Variants in SUCLA2 observed in about 807,000 individuals in gnomAD.
SUCLA2 encodes succinate--CoA ligase [ADP-forming] subunit beta, mitochondrial.
A neutral mutation model predicts 54.8 loss-of-function variants in SUCLA2; 30 were observed. That is an observed-to-expected ratio of 0.55 (90% CI 0.41 to 0.74). SUCLA2 has a LOEUF of 0.74. Ranked by LOEUF, SUCLA2 falls within the 30% of genes least tolerant of loss-of-function variation. The pLI is 0.00. For missense variants in SUCLA2, 476 were observed against 562.9 expected (o/e 0.85, Z 1.56); for synonymous variants, 172 against 188.9 (o/e 0.91, Z 0.74).
intron 3 of SUCLA2, 25 bp from the exon 4 acceptor site, chr13:47,988,728 T>C (rs944410041): frequency 6.2e-7 from 1 of 1,612,794 alleles, no homozygotes; most frequent in Non-Finnish European, 8.5e-7. Context: ...AGAACTCAAA[T>C]TTTTCTTTCC....
chr13:47,985,507 A>G (rs1164126816), intron 4 of SUCLA2, among the ~76,000 whole-genome samples: 3 of 151,562 alleles, frequency 2.0e-5, no homozygotes, highest in African/African-American at 4.9e-5. Flanking sequence ...CTGCTCCTGC[A>G]TTAGTTTGCT....
At position 47,952,660 on chromosome 13, in the gene SUCLA2, A is replaced by T. The variant is rs149680177; in HGVS notation, c.1107+1480T>A. On this transcript the variant is annotated intron_variant, in intron 8 of 10. Coordinates refer to ENST00000646932, the MANE Select transcript of SUCLA2 (RefSeq NM_003850.3). ...AAATGCCTCTAATTTATTCTTACTG[A>T]TATTGCCTTTGTCAGGGATCTCTTC... Among the ~76,000 whole-genome samples, 880 of 152,144 alleles carry T rather than the reference A, an allele frequency of 5.8e-3. 12 individuals are homozygous for T. The highest frequency in any genetic ancestry group is 0.02 in the African/African-American group (811 of 41,490).
Position 47,988,875 on chromosome 13 carries a change from G to A in SUCLA2, c.371+7C>T. The A allele has an allele frequency of 6.2e-7, 1 of 1,611,316 alleles. No individual in the cohort carries two copies. The highest frequency in any genetic ancestry group is 1.3e-5 in the African/African-American group (1 of 74,962). On this transcript the variant is annotated splice_region_variant and intron_variant, in intron 3 of 10. Coordinates refer to ENST00000646932, the MANE Select transcript of SUCLA2 (RefSeq NM_003850.3). ...AGGATGATTTTTCCTTAAAAAATGT[G>A]ACTTACGAGAAAACTATCTTCACTC...
intron 6 of SUCLA2, among the ~76,000 whole-genome samples, chr13:47,956,203 C>G (rs764209179): frequency 6.6e-6 from 1 of 152,132 alleles, no homozygotes; most frequent in Non-Finnish European, 1.5e-5. Flanking sequence ...TAAATGAACA[C>G]ACAGGTAATC....
At chr13:47,999,440 G>A (rs1950212367) in intron 1 of SUCLA2, among the ~76,000 whole-genome samples, 1 of 152,186 alleles carries the variant, frequency 6.6e-6, no homozygotes, top group Non-Finnish European at 1.5e-5. Context: ...GGGTGCGGTG[G>A]CTCAAGCTTG....
Position 47,968,417 on chromosome 13 carries a change from T to C in SUCLA2, c.802+178A>G, listed in dbSNP as rs537299925. Among the ~76,000 whole-genome samples the C allele has an allele frequency of 3.3e-5, 5 of 152,350 alleles. No homozygotes were observed. In the South Asian group the frequency reaches 8.3e-4, roughly 25 times the overall value. ...TTGTTTGTTTGTTTAATGGGTCTAA[T>C]AGTGTTTTGTTTTAATGGGTTTAAT... On this transcript the variant is annotated intron_variant, in intron 6 of 10. Transcript: ENST00000646932.
chr13:47,973,293 C>G lies in SUCLA2; in HGVS notation c.634G>C (p.Glu212Gln). 6.2e-7 allele frequency: 1 copy of G among 1,613,450 alleles called. No individual in the cohort carries two copies. Among genetic ancestry groups the G allele is most frequent in the African/African-American group, 1.3e-5 (1 of 75,008 alleles). The stretch of plus-strand genomic sequence containing the variant: ...AGAGCTTGTTCCTTTTTGATGCCTT[C>G]TTCAATATCAATAGGTTCTTTAATT... ...AIIKEPIDIE[E>Q]GIKKEQALQL... Residue 212 changes from glutamate to glutamine, a missense_variant, in exon 5 of 11, where the codon GAA becomes CAA. Glu to Gln is a conservative substitution (Grantham distance 29). This residue lies in a region of SUCLA2 where 342 missense variants were observed against 444.2 expected (regional missense o/e 0.77). Coordinates refer to ENST00000646932, the MANE Select transcript of SUCLA2 (RefSeq NM_003850.3).
At chr13:47,998,826 A>C (rs1366207673) in intron 1 of SUCLA2, among the ~76,000 whole-genome samples, 3 of 152,230 alleles carry the variant, frequency 2.0e-5, no homozygotes, top group African/African-American at 7.2e-5. Context: ...ATGGTTACAC[A>C]GGTGAATACA....
chr13:47,972,109 G>C, intron 5 of SUCLA2: 2 of 355,544 alleles, frequency 5.6e-6, no homozygotes, highest in Non-Finnish European at 1.0e-5. Context: ...ACAAAAATTA[G>C]CCGGGCATGG....
chr13:47,989,643 T>C (rs1252124833), intron 2 of SUCLA2, among the ~76,000 whole-genome samples: 1 of 152,228 alleles, frequency 6.6e-6, no homozygotes, highest in Non-Finnish European at 1.5e-5. Flanking sequence ...CAAAATTGAA[T>C]TTCATGTCTT....
At chr13:47,958,963 T>G (rs544834197) in intron 6 of SUCLA2, among the ~76,000 whole-genome samples, 2 of 152,332 alleles carry the variant, frequency 1.3e-5, no homozygotes, top group African/African-American at 4.8e-5. Flanking sequence ...TTATTTTTGA[T>G]GCTCATTGGA....
At chr13:47,992,366 A>C (rs1247631550) in intron 2 of SUCLA2, among the ~76,000 whole-genome samples, 1 of 150,796 alleles carries the variant, frequency 6.6e-6, no homozygotes, top group South Asian at 2.1e-4. Flanking sequence ...TTCTAAAAAA[A>C]AAAAGCCCTT....
At chr13:47,945,379 C>T (rs1034253483) in intron 10 of SUCLA2, among the ~76,000 whole-genome samples, 1 of 136,064 alleles carries the variant, frequency 7.3e-6, no homozygotes, top group Non-Finnish European at 1.5e-5. Flanking sequence ...GCTGAGATCA[C>T]GCCACTGTAC....
At chr13:47,963,859 G>A (rs568088805) in intron 6 of SUCLA2, among the ~76,000 whole-genome samples, 3 of 152,116 alleles carry the variant, frequency 2.0e-5, no homozygotes, top group Non-Finnish European at 2.9e-5. Context: ...AAGAAGCCAG[G>A]GTCCTTTGGA....
intron 10 of SUCLA2, among the ~76,000 whole-genome samples, chr13:47,946,258 A>G (rs1949730573): frequency 6.6e-6 from 1 of 152,238 alleles, no homozygotes; most frequent in Non-Finnish European, 1.5e-5. Context: ...TATGTACAGG[A>G]AGAAGCACAG....
rs1036012262 is a variant in SUCLA2 at position 47,959,531 on chromosome 13, G to A, written c.803-4974C>T. The stretch of plus-strand genomic sequence containing the variant: ...AGGAGGAGGAGGAGGAGGAGGAGGA[G>A]GAAAATCTGGGACTGATCGGAAAGC... On this transcript the variant is annotated intron_variant, in intron 6 of 10. Transcript: ENST00000646932. 3.0e-5 allele frequency among the ~76,000 whole-genome samples: 4 copies of A among 132,138 alleles called. No individual in the cohort carries two copies. The South Asian group carries it at 7.7e-4, about 25-fold the overall frequency. 86.7% of individuals were successfully genotyped at this position (132,138 alleles called of 152,430 possible). A position where few individuals can be genotyped will look rare whatever the true frequency, so the allele number is the denominator to read the frequency against.
At chr13:47,986,727 G>T (rs1331966680) in intron 4 of SUCLA2, among the ~76,000 whole-genome samples, 1 of 152,114 alleles carries the variant, frequency 6.6e-6, no homozygotes, top group Non-Finnish European at 1.5e-5. Context: ...TTTTGTATAT[G>T]GTGTAGGGAA....
chr13:47,954,548 A>C lies in SUCLA2; in HGVS notation c.812T>G (p.Met271Arg), dbSNP rs763248724. 6.2e-7 allele frequency: 1 copy of C among 1,613,698 alleles called. No individual in the cohort carries two copies. Among genetic ancestry groups the C allele is most frequent in the Non-Finnish European group, 8.5e-7 (1 of 1,179,694 alleles). Residue 271 changes from methionine to arginine, a missense_variant, in exon 7 of 11, where the codon ATG (methionine) becomes AGG (arginine). By Grantham distance (91) the Met-to-Arg change is moderately conservative. Transcript: ENST00000646932. ...VEDSDGAVLC[M>R]DAKINFDSNS... ...AGAGTCAAAATTGATCTTTGCATCC[A>C]TACACAATACTTTGAAGGGAAAAAG...
chr13:47,973,445 T>C, intron 4 of SUCLA2, 53 bp from the exon 5 acceptor site: 1 of 1,598,662 alleles, frequency 6.3e-7, no homozygotes, highest in Non-Finnish European at 8.5e-7. Flanking sequence ...GACTCATCAA[T>C]GAAACTTTAA....
Sources: allele counts gnomAD v4.1 joint callset (sites outside exome capture counted in the v4.1 genomes callset), GRCh38; gene constraint gnomAD v4.1.1; regional missense constraint gnomAD v4.1.1; transcripts MANE v1.5; gene names NCBI Gene and HGNC (gene_info 2026-07-23, HGNC 2026-07-21).